FER1L6: variants seen among roughly 807,000 people sequenced by gnomAD.
FER1L6 encodes fer-1-like protein 6.
A neutral mutation model predicts 219.2 loss-of-function variants in FER1L6; 177 were observed. The ratio of observed to expected loss-of-function variants is 0.81; its 90% CI spans 0.71 to 0.91. The LOEUF (loss-of-function observed/expected upper bound fraction) is 0.91. Among genes scored for constraint, FER1L6 ranks in the 40% least tolerant of loss-of-function variants. The pLI, the probability that FER1L6 is intolerant of heterozygous loss-of-function variation, is 0.00. For synonymous variants in FER1L6, 768 were observed against 824.3 expected, an observed-to-expected ratio of 0.93 and a Z score of 1.17; for missense variants, 2,153 against 2,259.9, an observed-to-expected ratio of 0.95 and a Z score of 0.96.
At chr8:123,931,993 C>CT (rs1289364257) in intron 1 of FER1L6, among the ~76,000 whole-genome samples, 13 of 152,174 alleles carry the variant, frequency 8.5e-5, no homozygotes, top group Admixed American at 8.5e-4. Context: ...CTTGCCAATT[C>CT]TTTTTTGAAT....
At chr8:124,110,764 C>A (rs950547249) in intron 39 of FER1L6, among the ~76,000 whole-genome samples, 6 of 152,070 alleles carry the variant, frequency 3.9e-5, no homozygotes, top group African/African-American at 1.5e-4. Flanking sequence ...ACATGGTCAT[C>A]GAGATGACCA....
chr8:123,937,682 A>G (rs1814064842), intron 1 of FER1L6, among the ~76,000 whole-genome samples: 1 of 152,210 alleles, frequency 6.6e-6, no homozygotes, highest in Admixed American at 6.5e-5. Flanking sequence ...GTGTGTACTC[A>G]TGGCCGAATA....
At chr8:124,029,456 T>C (rs1466998414) in intron 18 of FER1L6, among the ~76,000 whole-genome samples, 1 of 152,214 alleles carries the variant, frequency 6.6e-6, no homozygotes, top group Non-Finnish European at 1.5e-5. Flanking sequence ...TTTTTTATAA[T>C]TGCCTTTCTG....
chr8:123,879,718 C>T (rs1180502385), intron 1 of FER1L6, among the ~76,000 whole-genome samples: 4 of 151,954 alleles, frequency 2.6e-5, no homozygotes, highest in East Asian at 3.9e-4. Flanking sequence ...CCTGTGCATG[C>T]GCATACACAC....
intron 30 of FER1L6, 142 bp from the exon 31 acceptor site, chr8:124,071,364 G>A: frequency 1.0e-6 from 1 of 996,114 alleles, no homozygotes; most frequent in South Asian, 1.6e-5. Context: ...ATTGCCCAAG[G>A]ACACCCAACT....
chr8:124,012,751 A>G (rs1297501934), intron 14 of FER1L6, among the ~76,000 whole-genome samples: 1 of 152,206 alleles, frequency 6.6e-6, no homozygotes, highest in African/African-American at 2.4e-5. Flanking sequence ...AGAGGGGAAC[A>G]TATGTCCCTA....
At chr8:123,860,699 A>C (rs200874119) in intron 1 of FER1L6, among the ~76,000 whole-genome samples, 1 of 42,604 alleles carries the variant, frequency 2.3e-5, no homozygotes, top group Non-Finnish European at 4.3e-5. Flanking sequence ...GATATCTCAT[A>C]GTGGTTTTGA....
chr8:123,889,897 G>GT (rs1479716844), intron 1 of FER1L6, among the ~76,000 whole-genome samples: 5 of 152,172 alleles, frequency 3.3e-5, no homozygotes, highest in Admixed American at 1.3e-4. Context: ...GTCATATGTA[G>GT]TTTTTTTCTT....
chr8:123,904,267 T>TGTGTGTGTGTGTGTGA (rs1563679522), intron 1 of FER1L6, among the ~76,000 whole-genome samples: 1 of 146,902 alleles, frequency 6.8e-6, no homozygotes, highest in Non-Finnish European at 1.5e-5. Flanking sequence ...TGTGTGTGTG[T>TGTGTGTGTGTGTGTGA]GATGTGTGGG....
At chr8:124,044,804 C>T (rs1399515721) in intron 20 of FER1L6, among the ~76,000 whole-genome samples, 1 of 152,202 alleles carries the variant, frequency 6.6e-6, no homozygotes, top group African/African-American at 2.4e-5. Context: ...TGGCAGGTTT[C>T]CAAACATCCA....
intron 1 of FER1L6, among the ~76,000 whole-genome samples, chr8:123,888,071 G>A (rs961547539): frequency 6.6e-6 from 1 of 151,832 alleles, no homozygotes; most frequent in Non-Finnish European, 1.5e-5. Flanking sequence ...GTGTGTGTAT[G>A]TTTGATACAG....
At chr8:123,894,290 T>TCTATATAAACC (rs1812707813) in intron 1 of FER1L6, among the ~76,000 whole-genome samples, 1 of 152,230 alleles carries the variant, frequency 6.6e-6, no homozygotes. Flanking sequence ...TAGTTACATT[T>TCTATATAAACC]CTTGCCTACT....
rs1210590034 is a variant in FER1L6 at position 124,097,353 on chromosome 8, C to G, written c.4778C>G (p.Pro1593Arg). 1 of 1,610,400 alleles carries G rather than the reference C, an allele frequency of 6.2e-7. No homozygotes were observed. The highest frequency in any genetic ancestry group is 8.5e-7 in the Non-Finnish European group (1 of 1,177,184). ...CCTGTTGACATCTCTCCAAGGCGAC[C>G]CAAAGGGTATGTCAGCTGTAGCCCC... is the stretch of plus-strand genomic sequence containing the variant. Reference protein sequence around the residue: ...GPPVDISPRRPKGYELRVTIW... With the variant: ...GPPVDISPRRRKGYELRVTIW... Residue 1593 changes from proline (P) to arginine (R), a missense_variant, in exon 36 of 41, where the codon CCC becomes CGC. Physicochemically the swap from Pro to Arg is moderately radical, Grantham distance 103. Transcript: ENST00000522917.
intron 1 of FER1L6, among the ~76,000 whole-genome samples, chr8:123,867,321 A>G (rs1816853059): frequency 6.6e-6 from 1 of 152,214 alleles, no homozygotes; most frequent in African/African-American, 2.4e-5. Context: ...GGTCCCACAC[A>G]AAAAATAACT....
At chr8:123,961,347 G>T (rs1185142090) in intron 2 of FER1L6, among the ~76,000 whole-genome samples, 1 of 152,072 alleles carries the variant, frequency 6.6e-6, no homozygotes, top group Non-Finnish European at 1.5e-5. Flanking sequence ...AGCTTCCTAG[G>T]TGATGCTTAC....
chr8:123,929,626 T>C (rs1156387811), intron 1 of FER1L6, among the ~76,000 whole-genome samples: 1 of 152,148 alleles, frequency 6.6e-6, no homozygotes, highest in Non-Finnish European at 1.5e-5. Context: ...TCTACTACTC[T>C]CCGCTGACTC....
intron 1 of FER1L6, among the ~76,000 whole-genome samples, chr8:123,952,755 G>A (rs747793642): frequency 6.6e-6 from 1 of 152,154 alleles, no homozygotes; most frequent in Admixed American, 6.5e-5. Flanking sequence ...GTGGTATGCT[G>A]TGGGGATCCT....
Position 124,045,773 on chromosome 8 carries a change from T to G in FER1L6, c.2596T>G (p.Ser866Ala), listed in dbSNP as rs749933793. Residue 866 changes from serine (S) to alanine (A), a missense_variant, in exon 21 of 41, where the codon TCC becomes GCC. Transcript: ENST00000522917. ...LSHCQTTKIISQTLSPTWNQM... is the reference protein window; with the variant it reads ...LSHCQTTKIIAQTLSPTWNQM... The stretch of plus-strand genomic sequence containing the variant: ...CTTTGGTCCCTGCTTCCAGATAATC[T>G]CCCAGACCCTCTCTCCGACCTGGAA... 6.2e-7 allele frequency: 1 copy of G among 1,614,014 alleles called. No homozygotes were observed. The highest frequency in any genetic ancestry group is 8.5e-7 in the Non-Finnish European group (1 of 1,179,966).
chr8:123,855,705 A>G (rs930989583), intron 1 of FER1L6, among the ~76,000 whole-genome samples: 2 of 81,454 alleles, frequency 2.5e-5, no homozygotes, highest in African/African-American at 6.3e-5. Context: ...GTGTGTGTAT[A>G]TGTACACACA....
Sources: gnomAD v4.1 joint callset for allele counts (sites outside exome capture counted in the v4.1 genomes callset) on GRCh38, gnomAD v4.1.1 for gene constraint, MANE v1.5 for transcripts, NCBI Gene and HGNC (gene_info 2026-07-23, HGNC 2026-07-21) for gene names.